MEG3: variants seen among roughly 807,000 people sequenced by gnomAD.
MEG3 encodes the protein maternally expressed 3, also known as Very putative protein from MEG3 locus.
intron 2 of MEG3, among the ~76,000 whole-genome samples, chr14:100,841,646 G>A (rs1462017060): frequency 6.6e-6 from 1 of 152,168 alleles, no homozygotes; most frequent in Admixed American, 6.5e-5. Context: ...GTCGGGGGGG[G>A]TCACAGTCAC....
At chr14:100,860,782 C>G (rs1230011692) in exon 2 of MEG3, 1 of 448,746 alleles carries the variant, frequency 2.2e-6, no homozygotes, top group African/African-American at 2.0e-5. Context: ...TGAGTAGAGA[C>G]CCGCCCTCTG....
At position 100,845,500 on chromosome 14, in the gene MEG3, A is replaced by T. The variant is rs915021344; in HGVS notation, n.3088A>T. The stretch of plus-strand genomic sequence containing the variant: ...ATGCCTACGTGGGAAGGGACCTCGA[A>T]TGTGGGACCCCAGCCCCTCTCCAGC... On this transcript the variant is annotated non_coding_transcript_exon_variant, in exon 3 of 4. Transcript: ENST00000398461. The surrounding 1 kb of genome is among the most constrained non-coding windows in gnomAD (Gnocchi z 5.2). The T allele has an allele frequency of 1.3e-5, 6 of 456,604 alleles. No individual in the cohort carries two copies. The highest frequency in any genetic ancestry group is 6.2e-5 in the South Asian group (4 of 64,568). The allele number at this position is 456,604 out of a possible 1,614,324, so 28.3% of individuals were successfully genotyped here.
At chr14:100,843,592 C>T (rs930268109) in intron 2 of MEG3, among the ~76,000 whole-genome samples, 1 of 152,128 alleles carries the variant, frequency 6.6e-6, no homozygotes, top group Non-Finnish European at 1.5e-5. Flanking sequence ...AGGGCAAGGC[C>T]AGGGAAGGAG....
exon 1 of MEG3, chr14:100,834,907 G>C (rs903801473): frequency 2.3e-6 from 1 of 427,972 alleles, no homozygotes; most frequent in Non-Finnish European, 4.7e-6. Flanking sequence ...CTTGCTGGTC[G>C]CGTCCCTGCA....
At chr14:100,848,220 G>A (rs969504109) in intron 3 of MEG3, 1 of 152,250 alleles carries the variant, frequency 6.6e-6, no homozygotes, top group African/African-American at 2.4e-5. Flanking sequence ...GAAAGGCTGT[G>A]TGAACCAAGC....
intron 2 of MEG3, among the ~76,000 whole-genome samples, chr14:100,836,640 A>G (rs1482405648): frequency 6.6e-6 from 1 of 150,992 alleles, no homozygotes; most frequent in African/African-American, 2.4e-5. Context: ...ACACATTGCA[A>G]AAGGGATCCA....
chr14:100,844,131 C>T (rs2037843891), intron 2 of MEG3, among the ~76,000 whole-genome samples: 2 of 152,166 alleles, frequency 1.3e-5, no homozygotes, highest in East Asian at 3.8e-4. Context: ...CCCCCTGGGG[C>T]TGGTACCTGT....
rs571096791 is a variant in MEG3 at position 100,845,038 on chromosome 14, C to A, written n.3046-420C>A. 6.6e-6 allele frequency among the ~76,000 whole-genome samples: 1 copy of A among 152,200 alleles called. No homozygotes were observed. The highest frequency in any genetic ancestry group is 2.4e-5 in the African/African-American group (1 of 41,462). ...TCTGTGGGCTGCCCTCCCGGCCACACCCCGCTTCCCTGGTCTCCTCCAGGG... is the reference window on the plus strand; with the variant it reads ...TCTGTGGGCTGCCCTCCCGGCCACAACCCGCTTCCCTGGTCTCCTCCAGGG... On this transcript the variant is annotated intron_variant and non_coding_transcript_variant, in intron 2 of 3. Coordinates refer to the MEG3 transcript ENST00000398461. The surrounding 1 kb of genome is among the most constrained non-coding windows in gnomAD (Gnocchi z 5.2).
At chr14:100,841,381 G>A (rs879229498) in intron 2 of MEG3, among the ~76,000 whole-genome samples, 1 of 152,352 alleles carries the variant, frequency 6.6e-6, no homozygotes, top group Admixed American at 6.5e-5. Context: ...CGAAATGGGC[G>A]AGTGCAGGCC....
At chr14:100,842,154 A>T (rs2037779388) in intron 2 of MEG3, among the ~76,000 whole-genome samples, 1 of 152,066 alleles carries the variant, frequency 6.6e-6, no homozygotes, top group Middle Eastern at 3.2e-3. Flanking sequence ...TTGTTTTGTG[A>T]CCTTGGTTGC....
upstream of MEG3, chr14:100,852,609 A>T: frequency 2.8e-6 from 1 of 355,474 alleles, no homozygotes; most frequent in Non-Finnish European, 5.7e-6. Flanking sequence ...TCACTGTTGG[A>T]TGAGGATGGG....
intron 2 of MEG3, among the ~76,000 whole-genome samples, chr14:100,839,986 G>T (rs1301358826): frequency 6.6e-6 from 1 of 152,150 alleles, no homozygotes; most frequent in Non-Finnish European, 1.5e-5. Context: ...TGAGGACTTG[G>T]GACATATCTC....
chr14:100,858,959 C>G (rs1377911196), exon 1 of MEG3: 1 of 152,468 alleles, frequency 6.6e-6, no homozygotes, highest in African/African-American at 2.4e-5. Flanking sequence ...GGGGCTCTGT[C>G]AGGCACCTAG....
At chr14:100,834,718 T>A (rs757838049) in exon 1 of MEG3, 31 of 456,294 alleles carry the variant, frequency 6.8e-5, no homozygotes, top group Middle Eastern at 3.2e-4. Context: ...AGAGTGGGGC[T>A]CAGTTAGAGT....
exon 1 of MEG3, chr14:100,834,624 C>G (rs1405162794): frequency 2.2e-6 from 1 of 451,934 alleles, no homozygotes; most frequent in Non-Finnish European, 4.5e-6. Flanking sequence ...CTCTTTGTCC[C>G]TCCCCAGTTC....
At chr14:100,849,965 G>T (rs1342974816) in intron 3 of MEG3, 1 of 152,166 alleles carries the variant, frequency 6.6e-6, no homozygotes, top group Non-Finnish European at 1.5e-5. Flanking sequence ...TCCAAAACAA[G>T]GCTGTATCTT....
chr14:100,860,057 C>G (rs868229434), exon 1 of MEG3: 2 of 153,822 alleles, frequency 1.3e-5, no homozygotes, highest in Admixed American at 6.4e-5. Flanking sequence ...CATCCCGGCT[C>G]TCCTGGTGGG....
chr14:100,841,865 C>A (rs895222727), intron 2 of MEG3, among the ~76,000 whole-genome samples: 1 of 152,214 alleles, frequency 6.6e-6, no homozygotes, highest in African/African-American at 2.4e-5. Context: ...TTCGTTCCCC[C>A]AACCCCCGTG....
chr14:100,852,248 C>T (rs773837755), upstream of MEG3: 3 of 472,440 alleles, frequency 6.4e-6, no homozygotes, highest in Admixed American at 2.2e-5. Context: ...GTGGGGTGCT[C>T]AGGAATCAAA....
Sources: gnomAD v4.1 joint callset for allele counts (sites outside exome capture counted in the v4.1 genomes callset) on GRCh38, gnomAD v4.1.1 for gene constraint, Gnocchi (gnomAD v3.1) non-coding constraint, MANE v1.5 for transcripts, NCBI Gene and HGNC (gene_info 2026-07-23, HGNC 2026-07-21) for gene names.